Variants in CUL9 observed in about 807,000 individuals in gnomAD.
CUL9 encodes the protein cullin 9.
CUL9 carries 79 observed loss-of-function variants against 272.6 expected under a neutral mutation model. That is an observed-to-expected ratio of 0.29 (90% CI 0.24 to 0.35). The LOEUF (loss-of-function observed/expected upper bound fraction) is 0.35. CUL9 is among the 10% of genes least tolerant of loss of function. The pLI is 1.00. For synonymous variants in CUL9, 1,186 were observed against 1,286.5 expected, an observed-to-expected ratio of 0.92 and a Z score of 1.67; for missense variants, 2,532 against 3,255.6, an observed-to-expected ratio of 0.78 and a Z score of 5.41.
At chr6:43,187,622 G>T in intron 6 of CUL9, 91 bp from the exon 7 acceptor site, 2 of 1,433,306 alleles carry the variant, frequency 1.4e-6, no homozygotes. Context: ...AAGGTGTGGG[G>T]GCATGGTAGG....
Position 43,215,119 on chromosome 6 carries a change from C to A in CUL9, c.5729C>A (p.Thr1910Asn), listed in dbSNP as rs770702121. The A allele has an allele frequency of 4.3e-6, 7 of 1,612,476 alleles. No individual in the cohort carries two copies. The Admixed American group carries it at 8.3e-5, about 19-fold the overall frequency. ...AWQKGPNPPGTLGHTVAGGVA... is the reference protein window; with the variant it reads ...AWQKGPNPPGNLGHTVAGGVA... ...CAGAAGGGTCCAAATCCTCCTGGAA[C>A]CCTGGGCCACACTGTTGCTGGGGGT... is the stretch of plus-strand genomic sequence containing the variant. Residue 1910 changes from threonine (T) to asparagine (N), a missense_variant, in exon 30 of 41, where the codon ACC (threonine) becomes AAC (asparagine). By Grantham distance (65) the Thr-to-Asn change is moderately conservative. Coordinates refer to ENST00000252050, the MANE Select transcript of CUL9 (RefSeq NM_015089.4).
At position 43,187,275 on chromosome 6, in the gene CUL9, G is replaced by A; in HGVS notation, c.1417G>A (p.Asp473Asn). 2 of 1,614,014 alleles carry A rather than the reference G, an allele frequency of 1.2e-6. No homozygotes were observed. Among genetic ancestry groups the A allele is most frequent in the East Asian group, 2.2e-5 (1 of 44,888 alleles). ...AFPSWDWNPM[D>N]GLYPLPYLQP... ...TCCCTCCTGGGACTGGAATCCTATG[G>A]ATGGGCTGTACCCTTTGCCGTACCT... is the stretch of plus-strand genomic sequence containing the variant. The change falls in exon 6 of 41, where the codon GAT (aspartate) becomes AAT (asparagine). Residue 473 changes from aspartate to asparagine, a missense_variant. Physicochemically the swap from Asp to Asn is conservative, Grantham distance 23. This residue lies in a region of CUL9 where 2,218 missense variants were observed against 2,788.6 expected (regional missense o/e 0.80). Transcript: ENST00000252050.
At chr6:43,183,515 G>A (rs913978913) in intron 1 of CUL9, among the ~76,000 whole-genome samples, 1 of 152,018 alleles carries the variant, frequency 6.6e-6, no homozygotes, top group Non-Finnish European at 1.5e-5. Flanking sequence ...TTCCTCACAT[G>A]TTCTGATCCC....
At chr6:43,211,917 T>C (rs78903320) in intron 26 of CUL9, among the ~76,000 whole-genome samples, 10,087 of 152,318 alleles carry the variant, frequency 0.066, 426 homozygotes, top group Admixed American at 0.094. Context: ...TGGTTAGTTA[T>C]TTTGTTTAGT....
chr6:43,194,314 T>TTTCTC (rs1554168567), intron 9 of CUL9, among the ~76,000 whole-genome samples: 1 of 151,860 alleles, frequency 6.6e-6, no homozygotes, highest in Non-Finnish European at 1.5e-5. Flanking sequence ...TCTTTTTTCT[T>TTTCTC]TTTTCTTTTC....
intron 4 of CUL9, 108 bp from the exon 5 acceptor site, chr6:43,186,852 G>A (rs1030224705): frequency 2.2e-6 from 3 of 1,351,678 alleles, no homozygotes; most frequent in Admixed American, 2.2e-5. Context: ...GTATCTGAGG[G>A]TGCGCCCCAG....
At chr6:43,202,939 G>A (rs1254991521) in intron 17 of CUL9, 118 bp downstream of exon 17, 2 of 1,232,578 alleles carry the variant, frequency 1.6e-6, no homozygotes, top group Non-Finnish European at 2.3e-6. Context: ...GGAAGGTGTT[G>A]CCTTGTAAGC....
chr6:43,223,313 G>A lies in CUL9; in HGVS notation c.7200G>A (p.Leu2400=). 6.2e-7 allele frequency: 1 copy of A among 1,601,060 alleles called. No individual in the cohort carries two copies. The highest frequency in any genetic ancestry group is 1.1e-5 in the South Asian group (1 of 88,536). ...ACCTGGCCTCCTCCCTGCGCCTCCT[G>A]CGGGCCGACTGCCTCAGCACGGGCA... ...CRDLASSLRL[L]RADCLSTGME... is the part of the protein sequence containing the mutation. Residue 2400 remains leucine (L), a synonymous_variant, in exon 39 of 41, where the codon CTG becomes CTA. Transcript: ENST00000252050. The surrounding 1 kb of genome is among the most constrained non-coding windows in gnomAD (Gnocchi z 4.1).
Position 43,185,509 on chromosome 6 carries a change from C to T in CUL9, c.649C>T (p.His217Tyr). ...GAGCCAGCAAGATGGCATCGAGCAG[C>T]ACATGGATTTTGACAGTCGCTATAC... Reference protein sequence around the residue: ...SLSQQDGIEQHMDFDSRYTLL... With the variant: ...SLSQQDGIEQYMDFDSRYTLL... The change falls in exon 3 of 41, where the codon CAC becomes TAC. Residue 217 changes from histidine (H) to tyrosine (Y), a missense_variant. Coordinates refer to ENST00000252050, the MANE Select transcript of CUL9 (RefSeq NM_015089.4). 1 of 1,614,034 alleles carries T rather than the reference C, an allele frequency of 6.2e-7. No homozygotes were observed. The highest frequency in any genetic ancestry group is 1.1e-5 in the South Asian group (1 of 91,084).
rs1408095250 is a variant in CUL9 at position 43,196,258 on chromosome 6, A to G, written c.2578A>G (p.Thr860Ala). 6.2e-7 allele frequency: 1 copy of G among 1,613,104 alleles called. No homozygotes were observed. The highest frequency in any genetic ancestry group is 1.7e-5 in the Admixed American group (1 of 59,992). ...VPAAVILMLN[T>A]EGCSSAARNG... ...TGCAGCCGTGATCCTGATGCTGAAT[A>G]CTGAGGGGTCAGGGCATTACCTTCC... Residue 860 changes from threonine to alanine, a missense_variant, in exon 10 of 41, where the codon ACT (threonine) becomes GCT (alanine). Transcript: ENST00000252050.
intron 7 of CUL9, 58 bp downstream of exon 7, chr6:43,188,176 G>C: frequency 6.3e-7 from 1 of 1,591,324 alleles, no homozygotes; most frequent in Non-Finnish European, 8.6e-7. Flanking sequence ...CTCAGTAGAA[G>C]AAATGGATAG....
intron 4 of CUL9, 107 bp downstream of exon 4, chr6:43,186,562 T>G (rs982421493): frequency 1.4e-6 from 2 of 1,442,946 alleles, no homozygotes; most frequent in Admixed American, 4.9e-5. Context: ...AGAACCCCCC[T>G]GGGGAATTGG....
Position 43,184,975 on chromosome 6 carries a change from G to C in CUL9, c.595+70G>C. 34 of 1,159,018 alleles carry C rather than the reference G, an allele frequency of 2.9e-5. No homozygotes were observed. Among genetic ancestry groups the C allele is most frequent in the Middle Eastern group, 2.0e-4 (1 of 5,012 alleles). 71.8% of individuals were successfully genotyped at this position (1,159,018 alleles called of 1,614,324 possible). The stretch of plus-strand genomic sequence containing the variant: ...GCCACAGGGAATAAGAAAGAGGAGA[G>C]ATTTCCTAGCTCTGTAAGAACACCT... On this transcript the variant is annotated intron_variant, in intron 2 of 40. Coordinates refer to ENST00000252050, the MANE Select transcript of CUL9 (RefSeq NM_015089.4). The surrounding 1 kb of genome is among the most constrained non-coding windows in gnomAD (Gnocchi z 4.8).
chr6:43,194,927 T>C (rs1049652252), intron 9 of CUL9, among the ~76,000 whole-genome samples: 3 of 152,002 alleles, frequency 2.0e-5, no homozygotes, highest in Non-Finnish European at 4.4e-5. Context: ...TGGTGGTGCA[T>C]GCTTGTAATC....
In CUL9 at chr6:43,222,424, C is replaced by T. The variant is rs1410004113; in HGVS notation, c.6921+34C>T. On this transcript the variant is annotated intron_variant, in intron 36 of 40. Transcript: ENST00000252050. ...GGAGGAAACAGCGGGTAGATGCCTG[C>T]AGAAGCAGGTTGGGGTGGTGGGGTG... 2.1e-6 allele frequency: 3 copies of T among 1,421,758 alleles called. No homozygotes were observed. The Admixed American group carries it at 5.3e-5, about 25-fold the overall frequency. 88.1% of individuals were successfully genotyped at this position (1,421,758 alleles called of 1,614,324 possible).
intron 1 of CUL9, among the ~76,000 whole-genome samples, chr6:43,183,752 CTTTCTTTT>C (rs1772657222): frequency 6.6e-6 from 1 of 151,232 alleles, no homozygotes; most frequent in Admixed American, 6.6e-5. Flanking sequence ...CTCTCTCTTT[CTTTCTTTT>C]TTTCTTTTTT....
intron 4 of CUL9, 34 bp from the exon 5 acceptor site, chr6:43,186,926 C>A: frequency 6.2e-7 from 1 of 1,610,018 alleles, no homozygotes. Flanking sequence ...TGAGCCTTCT[C>A]TATTCTGCTC....
Position 43,222,790 on chromosome 6 carries a change from C to T in CUL9, c.7044C>T (p.Tyr2348=), listed in dbSNP as rs148863964. The T allele has an allele frequency of 2.3e-4, 364 of 1,613,892 alleles. No individual in the cohort carries two copies. The African/African-American group carries it at 2.9e-3, about 13-fold the overall frequency. Residue 2348 remains tyrosine, a synonymous_variant, in exon 38 of 41, where the codon TAC becomes TAT. Coordinates refer to ENST00000252050, the MANE Select transcript of CUL9 (RefSeq NM_015089.4). ...GGGAGCCCCTGCAGGTGCTGGCCTA[C>T]GCCTGCGTGTACAGCTTCTACAGCC... ...GLEQARKVLA[Y]ACVYSFYSQD...
chr6:43,212,586 T>TA (rs1175798887), intron 26 of CUL9, among the ~76,000 whole-genome samples: 3 of 152,214 alleles, frequency 2.0e-5, no homozygotes, highest in Non-Finnish European at 2.9e-5. Flanking sequence ...TGAGGTCTTT[T>TA]AAAAATATAT....
Sources: allele counts gnomAD v4.1 joint callset (sites outside exome capture counted in the v4.1 genomes callset), GRCh38; gene constraint gnomAD v4.1.1; regional missense constraint gnomAD v4.1.1; non-coding constraint Gnocchi (gnomAD v3.1); transcripts MANE v1.5; gene names NCBI Gene and HGNC (gene_info 2026-07-23, HGNC 2026-07-21).